The following ARMC2 variants were observed in gnomAD, a reference collection of about 807,000 sequenced individuals.
The protein encoded by ARMC2 is armadillo repeat-containing protein 2.
A neutral mutation model predicts 90.3 loss-of-function variants in ARMC2; 67 were observed. The ratio of observed to expected loss-of-function variants is 0.74; its 90% CI spans 0.61 to 0.91. ARMC2 has a LOEUF of 0.91. ARMC2 is among the 40% of genes least tolerant of loss of function. The pLI is 0.00. For synonymous variants in ARMC2, 393 were observed against 393.0 expected (o/e 1.00, Z 0.00); for missense variants, 920 against 1,030.9 (o/e 0.89, Z 1.47).
the ARMC2 span, among the ~76,000 whole-genome samples, chr6:108,982,427 C>A: frequency 6.6e-6 from 1 of 152,234 alleles, no homozygotes; most frequent in African/African-American, 2.4e-5. Context: ...GACCTAATTA[C>A]TTCCCAAAGA....
At chr6:109,009,438 T>A in the ARMC2 span, 1 of 1,370,578 alleles carries the variant, frequency 7.3e-7, no homozygotes, top group Non-Finnish European at 9.5e-7. Flanking sequence ...GTACGCCTCG[T>A]TCGCGGCGGC....
intron 12 of ARMC2, among the ~76,000 whole-genome samples, chr6:108,942,600 A>G (rs939135299): frequency 2.6e-5 from 4 of 152,012 alleles, no homozygotes; most frequent in African/African-American, 7.3e-5. Flanking sequence ...ATTACTTCCT[A>G]TAATTATTTT....
the ARMC2 span, chr6:108,993,087 T>A: frequency 3.8e-6 from 2 of 520,656 alleles, no homozygotes; most frequent in Non-Finnish European, 6.7e-6. Context: ...GGAGATTTTC[T>A]GTTATAAAAT....
At chr6:108,966,591 A>G (rs1217547305) in intron 17 of ARMC2, among the ~76,000 whole-genome samples, 1 of 152,162 alleles carries the variant, frequency 6.6e-6, no homozygotes, top group Non-Finnish European at 1.5e-5. Context: ...ATAATTTTGT[A>G]CATGTGTTTT....
chr6:109,036,619 G>A, the ARMC2 span, among the ~76,000 whole-genome samples: 1 of 152,126 alleles, frequency 6.6e-6, no homozygotes, highest in South Asian at 2.1e-4. Flanking sequence ...AATATGATAT[G>A]ATAAAAAAAA....
At chr6:109,046,691 C>T in the ARMC2 span, among the ~76,000 whole-genome samples, 8 of 136,504 alleles carry the variant, frequency 5.9e-5, no homozygotes, top group East Asian at 4.5e-4. Context: ...CGTCTCTGCC[C>T]GGCCGCCCAT....
rs1306697843 is a variant in ARMC2 at position 108,854,400 on chromosome 6, C to T, written c.133C>T (p.Pro45Ser). 1.2e-6 allele frequency: 2 copies of T among 1,613,172 alleles called. No individual in the cohort carries two copies. Among genetic ancestry groups the T allele is most frequent in the South Asian group, 1.1e-5 (1 of 91,060 alleles). The change falls in exon 2 of 18, where the codon CCA (proline) becomes TCA (serine). Residue 45 changes from proline (P) to serine (S), a missense_variant. By Grantham distance (74) the Pro-to-Ser change is moderately conservative (BLOSUM62 -1). Coordinates refer to ENST00000392644, the MANE Select transcript of ARMC2 (RefSeq NM_032131.6). ...NALRTVRTQRPFTPQEAQRKL... is the reference protein window; with the variant it reads ...NALRTVRTQRSFTPQEAQRKL... Reference sequence around the variant, plus strand: ...ATTAAGAACAGTTAGAACCCAAAGACCATTTACACCACAGGAGGCTCAAAG... The same window carrying T: ...ATTAAGAACAGTTAGAACCCAAAGATCATTTACACCACAGGAGGCTCAAAG...
At chr6:108,917,373 G>A (rs1339410852) in intron 10 of ARMC2, among the ~76,000 whole-genome samples, 3 of 152,022 alleles carry the variant, frequency 2.0e-5, no homozygotes, top group Non-Finnish European at 4.4e-5. Flanking sequence ...CTAAATGGAA[G>A]TCTCTCGGGA....
At chr6:108,913,208 A>G (rs926411652) in intron 10 of ARMC2, among the ~76,000 whole-genome samples, 5 of 152,230 alleles carry the variant, frequency 3.3e-5, no homozygotes, top group African/African-American at 4.8e-5. Flanking sequence ...ACTTTTTAAT[A>G]GCATTCATAT....
Position 108,899,566 on chromosome 6 carries a change from T to G in ARMC2, c.749-128T>G, listed in dbSNP as rs566454278. Reference sequence around the variant, plus strand: ...AGTTCTAATGAGAAATAGTCAGGCTTGGAGAGCAAAGGGTAATTTAATTCT... The same window carrying G: ...AGTTCTAATGAGAAATAGTCAGGCTGGGAGAGCAAAGGGTAATTTAATTCT... On this transcript the variant is annotated intron_variant, in intron 6 of 17. Transcript: ENST00000392644. 6.9e-6 allele frequency: 5 copies of G among 722,468 alleles called. No homozygotes were observed. The East Asian group carries it at 1.4e-4, about 20-fold the overall frequency. The allele number at this position is 722,468 out of a possible 1,614,324, so 44.8% of individuals were successfully genotyped here. A position where few individuals can be genotyped will look rare whatever the true frequency, so the allele number is the denominator to read the frequency against.
At chr6:109,043,333 C>G in the ARMC2 span, among the ~76,000 whole-genome samples, 3 of 151,998 alleles carry the variant, frequency 2.0e-5, no homozygotes, top group African/African-American at 7.2e-5. Context: ...CCTGGAAGTT[C>G]TAGTCAGGGC....
chr6:108,866,094 G>T (rs188111844), intron 3 of ARMC2, among the ~76,000 whole-genome samples: 2 of 151,420 alleles, frequency 1.3e-5, no homozygotes, highest in East Asian at 3.9e-4. Context: ...TACTTTGTCT[G>T]CATGATTGTT....
At position 108,928,337 on chromosome 6, in the gene ARMC2, T is replaced by C. The variant is rs755224203; in HGVS notation, c.1496+104T>C. On this transcript the variant is annotated intron_variant, in intron 11 of 17. Transcript: ENST00000392644. ...GTGACTGGCAAGGAATCCTTTTCCTTCTTTTTACTTCGCCTACCAGAAAGG... is the reference window on the plus strand; with the variant it reads ...GTGACTGGCAAGGAATCCTTTTCCTCCTTTTTACTTCGCCTACCAGAAAGG... The C allele has an allele frequency of 3.3e-6, 4 of 1,204,446 alleles. No individual in the cohort carries two copies. In the African/African-American group the frequency reaches 4.6e-5, roughly 14 times the overall value. The allele number at this position is 1,204,446 out of a possible 1,614,324, so 74.6% of individuals were successfully genotyped here. A position where few individuals can be genotyped will look rare whatever the true frequency, so the allele number is the denominator to read the frequency against.
chr6:108,908,778 G>A (rs1773081860), intron 8 of ARMC2, among the ~76,000 whole-genome samples: 1 of 151,924 alleles, frequency 6.6e-6, no homozygotes, highest in Admixed American at 6.6e-5. Context: ...GAGAGAGAGA[G>A]AAATGTCGTA....
chr6:109,002,281 C>T, the ARMC2 span: 2 of 1,613,076 alleles, frequency 1.2e-6, no homozygotes, highest in African/African-American at 2.7e-5. Flanking sequence ...AACGTACCTC[C>T]TTTTCTGGGA....
rs181478757 is a variant in ARMC2 at position 108,876,230 on chromosome 6, C to T, written c.551C>T (p.Ala184Val). The T allele has an allele frequency of 2.8e-4, 456 of 1,612,734 alleles. 4 individuals carry two copies. In the East Asian group the frequency reaches 7.5e-3, roughly 26 times the overall value. Residue 184 changes from alanine to valine, a missense_variant, in exon 5 of 18, where the codon GCT becomes GTT. Coordinates refer to ENST00000392644, the MANE Select transcript of ARMC2 (RefSeq NM_032131.6). ...GGGATTTATTTAACAAAATCAAATG[C>T]TATTTGCCACTTAAAGAGTCACCCA... ...INGIYLTKSN[A>V]ICHLKSHPLQ... is the part of the protein sequence containing the mutation.
chr6:109,016,090 A>G, the ARMC2 span, among the ~76,000 whole-genome samples: 1 of 152,354 alleles, frequency 6.6e-6, no homozygotes, highest in Non-Finnish European at 1.5e-5. Context: ...AACTAATCCC[A>G]TTTAACCATA....
chr6:109,034,669 C>G, the ARMC2 span, among the ~76,000 whole-genome samples: 2 of 152,150 alleles, frequency 1.3e-5, no homozygotes, highest in Non-Finnish European at 2.9e-5. Flanking sequence ...CAGTGAGATA[C>G]AAAAGGGAAT....
chr6:108,939,321 A>G (rs1364728532), intron 12 of ARMC2, among the ~76,000 whole-genome samples: 1 of 152,146 alleles, frequency 6.6e-6, no homozygotes, highest in African/African-American at 2.4e-5. Context: ...GTTGAATTGT[A>G]ATCCCCTGGA....
Sources: allele counts gnomAD v4.1 joint callset (sites outside exome capture counted in the v4.1 genomes callset), GRCh38; gene constraint gnomAD v4.1.1; transcripts MANE v1.5; gene names NCBI Gene and HGNC (gene_info 2026-07-23, HGNC 2026-07-21).